Variants in ZW10 observed in about 807,000 individuals in gnomAD.
ZW10 encodes the protein zw10 kinetochore protein.
Under a neutral mutation model 87.8 loss-of-function variants are expected in ZW10, and 53 were observed. The ratio of observed to expected loss-of-function variants is 0.60; its 90% CI spans 0.48 to 0.76. ZW10 has a LOEUF of 0.76. Among genes scored for constraint, ZW10 ranks in the 30% least tolerant of loss-of-function variants. ZW10 has a pLI of 0.00. For missense variants in ZW10, 837 were observed against 923.0 expected, an observed-to-expected ratio of 0.91 and a Z score of 1.21; for synonymous variants, 312 against 329.2, an observed-to-expected ratio of 0.95 and a Z score of 0.57.
At chr11:113,738,146 G>T in intron 13 of ZW10, 118 bp downstream of exon 13, 1 of 1,131,548 alleles carries the variant, frequency 8.8e-7, no homozygotes, top group East Asian at 2.7e-5. Context: ...CCAAAGGTGG[G>T]GGTGCAGGGA....
chr11:113,750,398 G>A (rs1953722896), intron 7 of ZW10, among the ~76,000 whole-genome samples: 1 of 151,916 alleles, frequency 6.6e-6, no homozygotes, highest in African/African-American at 2.4e-5. Flanking sequence ...CCGCCTCCTG[G>A]GTTCAAGCGA....
At chr11:113,767,336 CA>C (rs376958347) in intron 2 of ZW10, among the ~76,000 whole-genome samples, 16 of 152,142 alleles carry the variant, frequency 1.1e-4, no homozygotes, top group African/African-American at 3.9e-4. Context: ...TTAAATTCCT[CA>C]AATCTCTCAC....
chr11:113,752,280 G>T (rs1455374674), intron 7 of ZW10, among the ~76,000 whole-genome samples: 2 of 152,196 alleles, frequency 1.3e-5, no homozygotes, highest in Non-Finnish European at 2.9e-5. Flanking sequence ...GTGTGTGTGT[G>T]TGTGTGTATT....
intron 2 of ZW10, among the ~76,000 whole-genome samples, chr11:113,767,806 C>G (rs941815678): frequency 9.9e-5 from 15 of 152,174 alleles, no homozygotes; most frequent in Non-Finnish European, 5.9e-5. Flanking sequence ...TCCCTTCCCA[C>G]CAAAATCCCA....
chr11:113,744,222 C>G (rs59784243), intron 9 of ZW10, among the ~76,000 whole-genome samples, 182 bp from the exon 10 acceptor site: 1 of 152,002 alleles, frequency 6.6e-6, no homozygotes, highest in Non-Finnish European at 1.5e-5. Context: ...CCCGTCTCTA[C>G]TAAAAATACA....
intron 1 of ZW10, among the ~76,000 whole-genome samples, chr11:113,769,244 A>T (rs1000664495): frequency 2.0e-5 from 3 of 152,126 alleles, no homozygotes; most frequent in Admixed American, 6.5e-5. Flanking sequence ...GTCGATTAAA[A>T]AATTAAAAAA....
At chr11:113,742,804 T>C (rs1953635718) in intron 10 of ZW10, among the ~76,000 whole-genome samples, 1 of 152,216 alleles carries the variant, frequency 6.6e-6, no homozygotes, top group Non-Finnish European at 1.5e-5. Flanking sequence ...CATGTGAATG[T>C]AATGATTCAT....
At chr11:113,746,326 T>A (rs1257168005) in intron 9 of ZW10, among the ~76,000 whole-genome samples, 2 of 151,688 alleles carry the variant, frequency 1.3e-5, no homozygotes, top group Non-Finnish European at 2.9e-5. Context: ...AAGCCCAGAG[T>A]CACAGAGCAA....
rs755901945 is a variant in ZW10 at position 113,743,754 on chromosome 11, T to C, written c.1511+48A>G. On this transcript the variant is annotated intron_variant, in intron 10 of 15. Coordinates refer to ENST00000200135, the MANE Select transcript of ZW10 (RefSeq NM_004724.4). ...TTCCTGATAAACATCTAGTTAGATATGCATTTAACCAAGTCATTGCCATTT... is the reference window on the plus strand; with the variant it reads ...TTCCTGATAAACATCTAGTTAGATACGCATTTAACCAAGTCATTGCCATTT... The C allele has an allele frequency of 3.2e-5, 44 of 1,370,618 alleles. 1 individual carries two copies. The South Asian group carries it at 4.6e-4, about 14-fold the overall frequency. The allele number at this position is 1,370,618 out of a possible 1,614,324, so 84.9% of individuals were successfully genotyped here.
At chr11:113,736,302 T>C (rs1240159038) in intron 15 of ZW10, among the ~76,000 whole-genome samples, 1 of 151,356 alleles carries the variant, frequency 6.6e-6, no homozygotes, top group Non-Finnish European at 1.5e-5. Flanking sequence ...CACTGCTCCT[T>C]AAAGTGAGCA....
chr11:113,764,990 A>T (rs1021503894), intron 2 of ZW10, among the ~76,000 whole-genome samples: 1 of 152,160 alleles, frequency 6.6e-6, no homozygotes, highest in East Asian at 1.9e-4. Context: ...CCCCAACCTC[A>T]ACCAGGGACA....
At position 113,733,824 on chromosome 11, in the gene ZW10, G is replaced by T. The variant is rs1248731984; in HGVS notation, c.2220-10C>A. On this transcript the variant is annotated splice_polypyrimidine_tract_variant and intron_variant, in intron 15 of 15. Coordinates refer to ENST00000200135, the MANE Select transcript of ZW10 (RefSeq NM_004724.4). ...TTTTCCATCTGCCCACCTGCAAAAC[G>T]AAAGATAGAGTTCCATTTCCTATTA... The T allele has an allele frequency of 6.3e-7, 1 of 1,591,070 alleles. No individual in the cohort carries two copies. Among genetic ancestry groups the T allele is most frequent in the South Asian group, 1.1e-5 (1 of 87,836 alleles).
chr11:113,738,980 C>CT (rs1029151688), intron 12 of ZW10, among the ~76,000 whole-genome samples: 2 of 152,154 alleles, frequency 1.3e-5, no homozygotes, highest in African/African-American at 4.8e-5. Flanking sequence ...GTTTGGAACT[C>CT]TAACGTACCA....
At chr11:113,742,079 A>G (rs1953625746) in intron 10 of ZW10, among the ~76,000 whole-genome samples, 1 of 152,216 alleles carries the variant, frequency 6.6e-6, no homozygotes, top group South Asian at 2.1e-4. Flanking sequence ...TCAGTAACAA[A>G]TGGAGCTAAG....
intron 7 of ZW10, among the ~76,000 whole-genome samples, chr11:113,753,782 C>A (rs1953756618): frequency 6.6e-6 from 1 of 152,192 alleles, no homozygotes; most frequent in South Asian, 2.1e-4. Context: ...AAAACCTAAT[C>A]CAGAGCAAGG....
At position 113,733,450 on chromosome 11, in the gene ZW10, T is replaced by C. The variant is rs1467264457; in HGVS notation, c.*244A>G. The C allele has an allele frequency of 2.0e-6, 1 of 488,566 alleles. No individual in the cohort carries two copies. Among genetic ancestry groups the C allele is most frequent in the East Asian group, 3.9e-5 (1 of 25,532 alleles). The allele number at this position is 488,566 out of a possible 1,614,324, so 30.3% of individuals were successfully genotyped here. On this transcript the variant is annotated 3_prime_UTR_variant, in exon 16 of 16. Transcript: ENST00000200135. ...TGCTGCCTGACAGTTTGTTAGCTAATCAAAGGAAGATGGCTAGAAAGTCAA... is the reference window on the plus strand; with the variant it reads ...TGCTGCCTGACAGTTTGTTAGCTAACCAAAGGAAGATGGCTAGAAAGTCAA...
intron 7 of ZW10, among the ~76,000 whole-genome samples, chr11:113,750,435 C>G (rs762286106): frequency 8.6e-5 from 13 of 151,990 alleles, no homozygotes; most frequent in African/African-American, 1.2e-4. Context: ...TCCCAAGTAA[C>G]TGGGATTACA....
chr11:113,751,315 A>G, intron 7 of ZW10: 1 of 204,268 alleles, frequency 4.9e-6, no homozygotes. Context: ...ATGAAATAAA[A>G]AGGCCAAATA....
chr11:113,736,643 G>A lies in ZW10; in HGVS notation c.2196C>T (p.Ala732=), dbSNP rs747502270. 3.7e-6 allele frequency: 6 copies of A among 1,614,052 alleles called. No individual in the cohort carries two copies. The highest frequency in any genetic ancestry group is 1.3e-5 in the African/African-American group (1 of 74,912). ...PFKELMMMLQ[A]SLQEIGDRWA... Reference sequence around the variant, plus strand: ...ACCGATCCCCAATTTCTTGCAAGCTGGCTTGTAGCATCATCATCAATTCCT... The same window carrying A: ...ACCGATCCCCAATTTCTTGCAAGCTAGCTTGTAGCATCATCATCAATTCCT... The change falls in exon 15 of 16, where the codon GCC becomes GCT. Residue 732 remains alanine (A), a synonymous_variant. Coordinates refer to ENST00000200135, the MANE Select transcript of ZW10 (RefSeq NM_004724.4).
Sources: allele counts gnomAD v4.1 joint callset (sites outside exome capture counted in the v4.1 genomes callset), GRCh38; gene constraint gnomAD v4.1.1; transcripts MANE v1.5; gene names NCBI Gene and HGNC (gene_info 2026-07-23, HGNC 2026-07-21).